The following MICAL3 variants were observed in gnomAD, a reference collection of about 807,000 sequenced individuals.
MICAL3 encodes [F-actin]-monooxygenase MICAL3.
MICAL3 carries 62 observed loss-of-function variants against 207.4 expected under a neutral mutation model. That is an observed-to-expected ratio of 0.30 (90% CI 0.24 to 0.37). The LOEUF is 0.37. Ranked by LOEUF, MICAL3 falls within the 10% of genes least tolerant of loss-of-function variation. The pLI is 1.00. For synonymous variants in MICAL3, 1,077 were observed against 1,069.3 expected (o/e 1.01, Z -0.14); for missense variants, 2,368 against 2,635.6 (o/e 0.90, Z 2.22).
At chr22:17,842,262 C>T (rs1924095357) in intron 19 of MICAL3, 4 of 553,314 alleles carry the variant, frequency 7.2e-6, no homozygotes, top group South Asian at 2.4e-5. Context: ...TCCTTCATCA[C>T]CCTGAACCCG....
At position 17,982,769 on chromosome 22, in the gene MICAL3, G is replaced by GTAAAA. The variant is rs138986038; in HGVS notation, c.-75+41507_-75+41511dup. ...AAATAAAATAAAAAAGTAAAATAAA[G>GTAAAA]TAAAATAAAATAAAATAAAATAAAA... On this transcript the variant is annotated intron_variant, in intron 1 of 31. Coordinates refer to ENST00000441493, the MANE Select transcript of MICAL3 (RefSeq NM_015241.3). Among the ~76,000 whole-genome samples, 377 of 148,546 alleles carry GTAAAA rather than the reference G, an allele frequency of 2.5e-3. 1 individual carries two copies. The highest frequency in any genetic ancestry group is 5.4e-3 in the African/African-American group (216 of 40,284).
intron 19 of MICAL3, chr22:17,861,048 T>C (rs1926467967): frequency 6.1e-6 from 6 of 985,422 alleles, no homozygotes; most frequent in Non-Finnish European, 7.2e-6. Context: ...CTATGGCTCT[T>C]GGGGTAAGGT....
intron 1 of MICAL3, among the ~76,000 whole-genome samples, chr22:17,990,502 GGTGAGTAGGACT>G (rs1297747007): frequency 3.3e-5 from 5 of 152,158 alleles, no homozygotes; most frequent in Admixed American, 6.5e-5. Flanking sequence ...GACCATACAA[GGTGAGTAGGACT>G]GTTACGCCCT....
intron 1 of MICAL3, among the ~76,000 whole-genome samples, chr22:17,935,110 C>T (rs1044130543): frequency 3.9e-5 from 6 of 152,066 alleles, no homozygotes; most frequent in East Asian, 1.9e-4. Flanking sequence ...AAAAAGAGCC[C>T]GCATTGCCAA....
At chr22:17,802,250 A>G (rs1337876634) in intron 29 of MICAL3, among the ~76,000 whole-genome samples, 1 of 152,062 alleles carries the variant, frequency 6.6e-6, no homozygotes, top group Non-Finnish European at 1.5e-5. Context: ...TTCTTTATAG[A>G]GACGGGGTTT....
intron 1 of MICAL3, among the ~76,000 whole-genome samples, chr22:17,979,304 G>T (rs1935797929): frequency 6.6e-6 from 1 of 152,140 alleles, no homozygotes; most frequent in African/African-American, 2.4e-5. Context: ...CAGCACTTTG[G>T]GAGGCCGAGG....
intron 1 of MICAL3, among the ~76,000 whole-genome samples, chr22:17,988,493 C>T (rs1290922617): frequency 2.0e-5 from 3 of 152,204 alleles, no homozygotes; most frequent in South Asian, 4.1e-4. Context: ...CTCACTCTGT[C>T]GCCCAGGCTG....
At chr22:17,819,221 A>G (rs1921274983) in intron 25 of MICAL3, 92 bp from the exon 26 acceptor site, 1 of 1,293,944 alleles carries the variant, frequency 7.7e-7, no homozygotes, top group Non-Finnish European at 1.0e-6. Context: ...AAGTGCCTGC[A>G]CCTGTGCCTG....
chr22:18,001,782 A>G (rs981033433), intron 1 of MICAL3, among the ~76,000 whole-genome samples: 2 of 152,290 alleles, frequency 1.3e-5, no homozygotes, highest in Middle Eastern at 6.8e-3. Context: ...CCAACGGGAG[A>G]CGGGAAAGAA....
At chr22:17,860,980 T>G in intron 19 of MICAL3, 1 of 983,818 alleles carries the variant, frequency 1.0e-6, no homozygotes, top group Non-Finnish European at 1.2e-6. Flanking sequence ...TATGTGCAAT[T>G]AGATCTATAT....
At chr22:17,990,077 A>G (rs1192291099) in intron 1 of MICAL3, among the ~76,000 whole-genome samples, 1 of 151,784 alleles carries the variant, frequency 6.6e-6, no homozygotes, top group Non-Finnish European at 1.5e-5. Flanking sequence ...ACTTTAATAA[A>G]TAAGTTATTT....
intron 1 of MICAL3, among the ~76,000 whole-genome samples, chr22:17,917,853 C>T (rs566808890): frequency 6.6e-6 from 1 of 152,360 alleles, no homozygotes; most frequent in South Asian, 2.1e-4. Context: ...TCTCGACCCA[C>T]ATCCTGTGGA....
At position 17,804,667 on chromosome 22, in the gene MICAL3, A is replaced by T. The variant is rs77736505; in HGVS notation, c.5650+4177T>A. Among the ~76,000 whole-genome samples, 664 of 152,258 alleles carry T rather than the reference A, an allele frequency of 4.4e-3. 3 individuals are homozygous for T. Among genetic ancestry groups the T allele is most frequent in the African/African-American group, 0.015 (635 of 41,540 alleles). On this transcript the variant is annotated intron_variant, in intron 29 of 31. Coordinates refer to ENST00000441493, the MANE Select transcript of MICAL3 (RefSeq NM_015241.3). The stretch of plus-strand genomic sequence containing the variant: ...CACTGCCGAGAGGCTGGGCTTGAGC[A>T]GGCGGTCCTCATCTCCCCAGAATCA...
intron 1 of MICAL3, among the ~76,000 whole-genome samples, chr22:17,998,556 T>A (rs1922569609): frequency 7.3e-6 from 1 of 137,398 alleles, no homozygotes; most frequent in East Asian, 2.7e-4. Flanking sequence ...TAATTATTAT[T>A]ATTATTATTT....
chr22:17,877,330 TTATG>T (rs1928790030), intron 16 of MICAL3, among the ~76,000 whole-genome samples: 1 of 119,922 alleles, frequency 8.3e-6, no homozygotes, highest in Non-Finnish European at 1.6e-5. Context: ...GTTAGGGAGG[TTATG>T]GAGGTTAGGG....
chr22:17,859,055 C>A (rs1926234673), intron 19 of MICAL3, among the ~76,000 whole-genome samples: 1 of 152,192 alleles, frequency 6.6e-6, no homozygotes, highest in South Asian at 2.1e-4. Flanking sequence ...AGGCTACAGA[C>A]CTGGGGGGCT....
chr22:17,848,683 C>T (rs1244146265), intron 19 of MICAL3, among the ~76,000 whole-genome samples: 1 of 152,204 alleles, frequency 6.6e-6, no homozygotes, highest in Non-Finnish European at 1.5e-5. Flanking sequence ...TCAAGCTGCA[C>T]ATCAACTGGT....
At chr22:17,960,173 C>G (rs1934835775) in intron 1 of MICAL3, among the ~76,000 whole-genome samples, 2 of 152,214 alleles carry the variant, frequency 1.3e-5, no homozygotes, top group South Asian at 4.1e-4. Context: ...TAGCTCACTC[C>G]CATTCCTACA....
intron 19 of MICAL3, among the ~76,000 whole-genome samples, chr22:17,850,290 CGAGGACACCCCTGCAGT>C (rs777085314): frequency 3.7e-4 from 57 of 152,040 alleles, no homozygotes; most frequent in Admixed American, 1.0e-3. Flanking sequence ...CCAAGCATGC[CGAGGACACCCCTGCAGT>C]GAGGACACCG....
Sources: allele counts gnomAD v4.1 joint callset (sites outside exome capture counted in the v4.1 genomes callset), GRCh38; gene constraint gnomAD v4.1.1; transcripts MANE v1.5; gene names NCBI Gene and HGNC (gene_info 2026-07-23, HGNC 2026-07-21).